Variants in SCFD2 observed in about 807,000 individuals in gnomAD.
SCFD2 encodes the protein sec1 family domain-containing protein 2.
Under a neutral mutation model 58.9 loss-of-function variants are expected in SCFD2, and 54 were observed. The observed-to-expected ratio is 0.92, with a 90% CI of 0.74 to 1.15. The LOEUF (loss-of-function observed/expected upper bound fraction) is 1.15. SCFD2 is among the 50% of genes most tolerant of loss of function. The probability of loss-of-function intolerance (pLI) is 0.00; values close to 1 mark genes in which losing one functional copy is unlikely to be tolerated. For missense variants in SCFD2, 805 were observed against 836.6 expected (o/e 0.96, Z 0.47); for synonymous variants, 321 against 335.9 (o/e 0.96, Z 0.49).
chr4:53,262,885 C>G (rs2149056099), intron 4 of SCFD2, among the ~76,000 whole-genome samples: 1 of 152,276 alleles, frequency 6.6e-6, no homozygotes, highest in Non-Finnish European at 1.5e-5. Flanking sequence ...TTAGGAAAAG[C>G]AATTATCTTA....
chr4:52,948,524 C>A (rs1285919652), intron 5 of SCFD2: 1 of 456,362 alleles, frequency 2.2e-6, no homozygotes, highest in African/African-American at 2.0e-5. Flanking sequence ...AGTGAAAATG[C>A]AATTTAATCT....
intron 5 of SCFD2, among the ~76,000 whole-genome samples, chr4:53,141,338 G>T (rs1726158462): frequency 6.6e-6 from 1 of 152,078 alleles, no homozygotes; most frequent in South Asian, 2.1e-4. Context: ...TCTCTAATTG[G>T]TAATTGTGTG....
intron 4 of SCFD2, among the ~76,000 whole-genome samples, chr4:53,175,271 TG>T (rs1376838017): frequency 6.6e-6 from 1 of 152,230 alleles, no homozygotes; most frequent in Non-Finnish European, 1.5e-5. Context: ...TCTTTTAGCT[TG>T]GTTTAAATTT....
chr4:53,291,003 A>G (rs556033919), intron 3 of SCFD2, among the ~76,000 whole-genome samples: 55 of 152,308 alleles, frequency 3.6e-4, no homozygotes, highest in African/African-American at 1.2e-3. Context: ...CTTCATGGCT[A>G]AATTCTACAA....
chr4:53,254,181 C>T (rs1730509688), intron 4 of SCFD2, among the ~76,000 whole-genome samples: 1 of 152,172 alleles, frequency 6.6e-6, no homozygotes, highest in Non-Finnish European at 1.5e-5. Context: ...TCTGTGTCCT[C>T]ATCCAAATCT....
At chr4:52,984,866 T>C (rs1412703256) in intron 5 of SCFD2, among the ~76,000 whole-genome samples, 4 of 152,248 alleles carry the variant, frequency 2.6e-5, no homozygotes, top group Admixed American at 6.5e-5. Flanking sequence ...TTCTGTACCT[T>C]TTCCAATAAT....
chr4:52,914,870 C>CTGAT (rs1195347301), intron 6 of SCFD2, among the ~76,000 whole-genome samples: 2 of 152,134 alleles, frequency 1.3e-5, no homozygotes, highest in East Asian at 1.9e-4. Context: ...TGAGGCTGGC[C>CTGAT]TGATAGCTTG....
chr4:53,299,741 C>A (rs1391088412), intron 3 of SCFD2, among the ~76,000 whole-genome samples: 1 of 152,188 alleles, frequency 6.6e-6, no homozygotes, highest in Non-Finnish European at 1.5e-5. Flanking sequence ...AGACTAAGAG[C>A]TGATCTCTCG....
At chr4:53,267,991 T>C (rs73149204) in intron 4 of SCFD2, among the ~76,000 whole-genome samples, 1 of 152,166 alleles carries the variant, frequency 6.6e-6, no homozygotes, top group Non-Finnish European at 1.5e-5. Context: ...TATAAGATTT[T>C]GGAGTGGGGC....
At chr4:53,123,531 G>GA (rs1725540329) in intron 5 of SCFD2, among the ~76,000 whole-genome samples, 1 of 90,818 alleles carries the variant, frequency 1.1e-5, no homozygotes, top group African/African-American at 4.0e-5. Flanking sequence ...TGAGATGGGG[G>GA]TGGGGGGGGG....
intron 5 of SCFD2, among the ~76,000 whole-genome samples, chr4:53,004,601 G>A (rs903235852): frequency 3.3e-5 from 5 of 152,222 alleles, no homozygotes; most frequent in Admixed American, 3.3e-4. Context: ...CAGCTAAGTA[G>A]TAAGTGGTAG....
intron 8 of SCFD2, among the ~76,000 whole-genome samples, chr4:52,875,553 C>A (rs1268313683): frequency 6.6e-6 from 1 of 151,798 alleles, no homozygotes; most frequent in African/African-American, 2.4e-5. Context: ...ATCCTCCTTG[C>A]CCACTCCCAA....
intron 2 of SCFD2, among the ~76,000 whole-genome samples, chr4:53,330,317 A>G (rs1303057811): frequency 6.6e-6 from 1 of 151,700 alleles, no homozygotes; most frequent in Non-Finnish European, 1.5e-5. Context: ...GTTGAAATGA[A>G]GGAAAAAATG....
intron 4 of SCFD2, among the ~76,000 whole-genome samples, chr4:53,147,235 A>C (rs955128069): frequency 1.3e-5 from 2 of 152,222 alleles, no homozygotes; most frequent in Non-Finnish European, 2.9e-5. Context: ...TTAAAAGGAA[A>C]TATTAGAATA....
Position 53,145,559 on chromosome 4 carries a change from G to T in SCFD2, c.1335C>A (p.Ser445=), listed in dbSNP as rs1337800097. The T allele has an allele frequency of 1.9e-6, 3 of 1,613,780 alleles. No individual in the cohort carries two copies. The highest frequency in any genetic ancestry group is 3.3e-5 in the Admixed American group (2 of 59,984). The part of the protein sequence containing the change: ...LLQSIGESAM[S]VVLNQLLPMI... ...TGGGCAGCAGCTGATTTAACACAAC[G>T]GACATTGCTGACTCCCCAATGCTCT... Residue 445 remains serine (S), a synonymous_variant, in exon 5 of 9, where the codon TCC becomes TCA. Coordinates refer to ENST00000401642, the MANE Select transcript of SCFD2 (RefSeq NM_152540.4).
intron 5 of SCFD2, among the ~76,000 whole-genome samples, chr4:52,979,695 CACTT>C (rs780344730): frequency 1.3e-5 from 2 of 152,122 alleles, no homozygotes; most frequent in Non-Finnish European, 2.9e-5. Context: ...GGATGAAACA[CACTT>C]AATAGGACAA....
In SCFD2 at chr4:52,910,668, T is replaced by C. The variant is rs540592990; in HGVS notation, c.1708-3077A>G. 4.6e-5 allele frequency among the ~76,000 whole-genome samples: 7 copies of C among 152,280 alleles called. No individual in the cohort carries two copies. In the East Asian group the frequency reaches 1.2e-3, roughly 25 times the overall value. On this transcript the variant is annotated intron_variant, in intron 6 of 8. Transcript: ENST00000401642. ...GAGAGAAGAAAATATACCCCTGATA[T>C]GGTTTGGCTGTGTCCCTACCCAAAT...
At chr4:53,258,392 C>T (rs1407788373) in intron 4 of SCFD2, among the ~76,000 whole-genome samples, 1 of 151,788 alleles carries the variant, frequency 6.6e-6, no homozygotes, top group African/African-American at 2.4e-5. Flanking sequence ...AGCCTAGTTC[C>T]CACTTTCGAG....
chr4:53,065,511 T>A (rs1723638175), intron 5 of SCFD2, among the ~76,000 whole-genome samples: 1 of 152,114 alleles, frequency 6.6e-6, no homozygotes, highest in Non-Finnish European at 1.5e-5. Context: ...CTGGTTCACC[T>A]AAAAGAATTT....
Sources: gnomAD v4.1 joint callset for allele counts (sites outside exome capture counted in the v4.1 genomes callset) on GRCh38, gnomAD v4.1.1 for gene constraint, MANE v1.5 for transcripts, NCBI Gene and HGNC (gene_info 2026-07-23, HGNC 2026-07-21) for gene names.